CABCOCO1: variants seen among roughly 807,000 people sequenced by gnomAD.
CABCOCO1 encodes ciliary associated calcium binding coiled-coil 1.
In CABCOCO1, 28 loss-of-function variants were observed where a neutral mutation model predicts 35.7. The observed-to-expected ratio is 0.78, with a 90% confidence interval of 0.58 to 1.07. The LOEUF is 1.07. CABCOCO1 is among the 50% of genes least tolerant of loss of function. The probability of loss-of-function intolerance (pLI) is 0.00; values close to 1 mark genes in which losing one functional copy is unlikely to be tolerated. For missense variants in CABCOCO1, 326 were observed against 309.2 expected, an observed-to-expected ratio of 1.05 and a Z score of -0.41; for synonymous variants, 95 against 100.1, an observed-to-expected ratio of 0.95 and a Z score of 0.30.
chr10:61,724,337 T>G (rs1307681621), intron 5 of CABCOCO1, among the ~76,000 whole-genome samples: 1 of 152,172 alleles, frequency 6.6e-6, no homozygotes. Context: ...TATTGCAAAA[T>G]TATTCTTTCA....
intron 3 of CABCOCO1, among the ~76,000 whole-genome samples, chr10:61,685,784 AAC>A (rs1386997926): frequency 6.6e-6 from 1 of 152,136 alleles, no homozygotes; most frequent in Non-Finnish European, 1.5e-5. Context: ...CTGGTACTCT[AAC>A]TCATGGGCTC....
At chr10:61,731,669 G>A (rs1011811021) in intron 5 of CABCOCO1, among the ~76,000 whole-genome samples, 17 of 149,868 alleles carry the variant, frequency 1.1e-4, no homozygotes, top group African/African-American at 2.9e-4. Context: ...TGCTTTTGAC[G>A]TGATATTTTA....
chr10:61,692,663 T>C (rs1840182136), intron 5 of CABCOCO1, among the ~76,000 whole-genome samples: 1 of 152,168 alleles, frequency 6.6e-6, no homozygotes, highest in African/African-American at 2.4e-5. Flanking sequence ...TCACCATTAC[T>C]CACTCTTCAT....
At chr10:61,686,859 T>C (rs1839981751) in intron 4 of CABCOCO1, among the ~76,000 whole-genome samples, 1 of 152,208 alleles carries the variant, frequency 6.6e-6, no homozygotes, top group Non-Finnish European at 1.5e-5. Context: ...AGGTCTGCAG[T>C]AGAGTCATGC....
intron 5 of CABCOCO1, among the ~76,000 whole-genome samples, chr10:61,719,920 C>CAAAA (rs34712304): frequency 1.1e-5 from 1 of 87,980 alleles, no homozygotes; most frequent in Non-Finnish European, 2.3e-5. Flanking sequence ...GACTCCATCT[C>CAAAA]AAAAAAAAAA....
chr10:61,675,417 G>T (rs1439632215), intron 2 of CABCOCO1, among the ~76,000 whole-genome samples: 1 of 152,146 alleles, frequency 6.6e-6, no homozygotes, highest in East Asian at 1.9e-4. Context: ...AAAGGGAAGA[G>T]ACAAATGGTA....
intron 5 of CABCOCO1, among the ~76,000 whole-genome samples, chr10:61,741,039 G>C (rs951696633): frequency 3.2e-4 from 48 of 152,020 alleles, no homozygotes; most frequent in African/African-American, 1.2e-3. Context: ...AGCTACTCGG[G>C]AGGCTGAGGC....
intron 5 of CABCOCO1, among the ~76,000 whole-genome samples, chr10:61,743,427 A>C (rs1004761316): frequency 6.6e-6 from 1 of 152,186 alleles, no homozygotes; most frequent in East Asian, 1.9e-4. Flanking sequence ...CACTCGACTA[A>C]ATTTCACTTT....
At chr10:61,708,402 T>A (rs535812566) in intron 5 of CABCOCO1, among the ~76,000 whole-genome samples, 27 of 152,170 alleles carry the variant, frequency 1.8e-4, no homozygotes, top group Admixed American at 1.2e-3. Context: ...TGAGATGACA[T>A]CTCTCTCTTT....
intron 5 of CABCOCO1, among the ~76,000 whole-genome samples, chr10:61,732,674 A>T (rs1841331027): frequency 6.6e-6 from 1 of 152,082 alleles, no homozygotes; most frequent in Non-Finnish European, 1.5e-5. Flanking sequence ...CGACTTTTCA[A>T]ATTTAATAAA....
chr10:61,734,995 G>T (rs1038418539), intron 5 of CABCOCO1, among the ~76,000 whole-genome samples: 2 of 152,036 alleles, frequency 1.3e-5, no homozygotes, highest in Non-Finnish European at 2.9e-5. Context: ...TTAGTACTGC[G>T]CATTCTTGTT....
At chr10:61,699,615 T>G (rs986037373) in intron 5 of CABCOCO1, among the ~76,000 whole-genome samples, 1 of 151,346 alleles carries the variant, frequency 6.6e-6, no homozygotes. Context: ...ATGCCTACTA[T>G]CCCCTCATAG....
rs552816547 is a variant in CABCOCO1, at chr10:61,713,848, C to G, written c.552+23227C>G. Among the ~76,000 whole-genome samples the G allele has an allele frequency of 3.3e-5, 5 of 152,296 alleles. No individual in the cohort carries two copies. The East Asian group carries it at 9.6e-4, about 29-fold the overall frequency. On this transcript the variant is annotated intron_variant, in intron 5 of 7. Coordinates refer to ENST00000648843, the MANE Select transcript of CABCOCO1 (RefSeq NM_001366906.2). ...CATATGTGGAACCAGCCTTGCATCC[C>G]AGGGATGAAGCCAACCTGATCGTGG...
intron 5 of CABCOCO1, among the ~76,000 whole-genome samples, chr10:61,742,472 A>C (rs903579218): frequency 3.3e-5 from 5 of 152,204 alleles, no homozygotes; most frequent in Non-Finnish European, 7.3e-5. Context: ...TACAAAGAAA[A>C]AAAAAGGCAA....
At chr10:61,760,814 C>A in intron 6 of CABCOCO1, 49 bp from the exon 7 acceptor site, 1 of 1,553,610 alleles carries the variant, frequency 6.4e-7, no homozygotes, top group South Asian at 1.2e-5. Context: ...ATATAAATCA[C>A]CGAATGCTCT....
At chr10:61,763,842 T>C (rs1842056720) in intron 7 of CABCOCO1, among the ~76,000 whole-genome samples, 1 of 151,598 alleles carries the variant, frequency 6.6e-6, no homozygotes, top group Non-Finnish European at 1.5e-5. Flanking sequence ...GGATTGCTTG[T>C]CTGTTCAGCA....
At chr10:61,759,939 A>G (rs1241855306) in intron 5 of CABCOCO1, 120 bp from the exon 6 acceptor site, 3 of 1,287,186 alleles carry the variant, frequency 2.3e-6, no homozygotes, top group Non-Finnish European at 3.2e-6. Context: ...AAAAATTCAA[A>G]GGAGGTGGCA....
At chr10:61,748,117 T>C (rs1018818693) in intron 5 of CABCOCO1, among the ~76,000 whole-genome samples, 2 of 151,742 alleles carry the variant, frequency 1.3e-5, no homozygotes, top group East Asian at 3.9e-4. Context: ...AGCAGCCTGA[T>C]GTATAGGTTG....
chr10:61,739,687 C>G (rs1206218291), intron 5 of CABCOCO1, among the ~76,000 whole-genome samples: 1 of 152,106 alleles, frequency 6.6e-6, no homozygotes, highest in Non-Finnish European at 1.5e-5. Flanking sequence ...TGCAGTGGCT[C>G]ATGCCTGTAA....
Sources: allele counts gnomAD v4.1 joint callset (sites outside exome capture counted in the v4.1 genomes callset), GRCh38; gene constraint gnomAD v4.1.1; transcripts MANE v1.5; gene names NCBI Gene and HGNC (gene_info 2026-07-23, HGNC 2026-07-21).